PSEN1: variants seen among roughly 807,000 people sequenced by gnomAD.
PSEN1 encodes presenilin 1, also known as presenilin-1.
In PSEN1, 15 loss-of-function variants were observed where a neutral mutation model predicts 53.5. The observed-to-expected ratio is 0.28, with a 90% CI of 0.19 to 0.43. The LOEUF (loss-of-function observed/expected upper bound fraction) is 0.43. Among genes scored for constraint, PSEN1 ranks in the 20% least tolerant of loss-of-function variants. The probability of loss-of-function intolerance (pLI) is 1.00; values close to 1 mark genes in which losing one functional copy is unlikely to be tolerated. For synonymous variants in PSEN1, 208 were observed against 209.8 expected (o/e 0.99, Z 0.08); for missense variants, 387 against 571.2 (o/e 0.68, Z 3.29).
rs985004021 is a variant in PSEN1, at chr14:73,136,552, CGCGGCGGCAGCGGG to C, written c.-159_-146del. The C allele has an allele frequency of 2.6e-5, 4 of 153,020 alleles. No homozygotes were observed. The highest frequency in any genetic ancestry group is 9.6e-5 in the African/African-American group (4 of 41,470). 9.5% of individuals were successfully genotyped at this position (153,020 alleles called of 1,614,324 possible). The stretch of plus-strand genomic sequence containing the variant: ...TCTGGAAGGAACCTGAGCTACGAGC[CGCGGCGGCAGCGGG>C]GCGGCGGGGAAGCGTATGTGCGTGA... On this transcript the variant is annotated 5_prime_UTR_variant, in exon 1 of 12. Transcript: ENST00000324501.
chr14:73,169,925 C>T (rs576192890), intron 3 of PSEN1, among the ~76,000 whole-genome samples: 5 of 152,288 alleles, frequency 3.3e-5, no homozygotes, highest in South Asian at 2.1e-4. Flanking sequence ...GGATTTCAGG[C>T]GCCTGGCCTG....
At chr14:73,210,506 G>T (rs980739381) in intron 9 of PSEN1, among the ~76,000 whole-genome samples, 1 of 152,188 alleles carries the variant, frequency 6.6e-6, no homozygotes, top group Non-Finnish European at 1.5e-5. Context: ...CAATGAGCAT[G>T]CTACTTATAA....
At chr14:73,138,641 T>C (rs1246471512) in intron 1 of PSEN1, among the ~76,000 whole-genome samples, 1 of 151,928 alleles carries the variant, frequency 6.6e-6, no homozygotes. Flanking sequence ...CACAAGCCAC[T>C]GTGCCTAGCC....
chr14:73,181,833 G>T (rs1040076123), intron 5 of PSEN1, among the ~76,000 whole-genome samples: 3 of 152,088 alleles, frequency 2.0e-5, no homozygotes, highest in Admixed American at 6.6e-5. Context: ...GAATGTAGTG[G>T]CACTGTCTCG....
At chr14:73,195,716 C>G (rs376549150) in intron 7 of PSEN1, among the ~76,000 whole-genome samples, 3 of 152,020 alleles carry the variant, frequency 2.0e-5, no homozygotes, top group Admixed American at 2.0e-4. Flanking sequence ...CTCAGCCTCC[C>G]GAGTAGATAA....
At chr14:73,192,964 G>A in intron 7 of PSEN1, 100 bp downstream of exon 7, 1 of 919,916 alleles carries the variant, frequency 1.1e-6, no homozygotes, top group East Asian at 2.4e-5. Context: ...ATGGTAACGT[G>A]TACATCCCAT....
At chr14:73,161,677 C>T (rs969723970) in intron 3 of PSEN1, among the ~76,000 whole-genome samples, 1 of 152,134 alleles carries the variant, frequency 6.6e-6, no homozygotes, top group Non-Finnish European at 1.5e-5. Flanking sequence ...TGACAACACA[C>T]GTGGAATATT....
intron 11 of PSEN1, 47 bp downstream of exon 11, chr14:73,217,291 C>T (rs780429161): frequency 1.2e-6 from 2 of 1,607,166 alleles, no homozygotes; most frequent in South Asian, 1.1e-5. Context: ...AATGTCAAAA[C>T]TTTGATTACA....
rs1349384319 is a variant in PSEN1 at position 73,173,710 on chromosome 14, G to A, written c.480+3G>A. ...TGTATAAATACAGGTGCTATAAGGTGAGCATGAGACACAGATCTTTGCTTT... is the reference window on the plus strand; with the variant it reads ...TGTATAAATACAGGTGCTATAAGGTAAGCATGAGACACAGATCTTTGCTTT... On this transcript the variant is annotated splice_donor_region_variant and intron_variant, in intron 5 of 11. Transcript: ENST00000324501. The A allele has an allele frequency of 5.6e-6, 9 of 1,613,998 alleles. No homozygotes were observed. The Admixed American group carries it at 1.2e-4, about 21-fold the overall frequency.
At chr14:73,197,951 C>A in intron 7 of PSEN1, 80 bp from the exon 8 acceptor site, 4 of 757,540 alleles carry the variant, frequency 5.3e-6, no homozygotes, top group African/African-American at 1.7e-5. Flanking sequence ...TTTTTTCCTT[C>A]GTTAATTCCT....
intron 5 of PSEN1, among the ~76,000 whole-genome samples, chr14:73,185,560 G>C (rs1381387252): frequency 6.6e-6 from 1 of 152,316 alleles, no homozygotes; most frequent in South Asian, 2.1e-4. Context: ...GTCCAGCTTC[G>C]GCTCAGCATG....
intron 3 of PSEN1, among the ~76,000 whole-genome samples, chr14:73,160,361 A>C (rs1464046686): frequency 6.6e-6 from 1 of 152,218 alleles, no homozygotes; most frequent in African/African-American, 2.4e-5. Context: ...GGCTATGCAC[A>C]TATCTGTTTG....
intron 8 of PSEN1, among the ~76,000 whole-genome samples, chr14:73,202,419 TA>T (rs1899231967): frequency 2.4e-3 from 50 of 20,630 alleles, no homozygotes; most frequent in African/African-American, 4.4e-3. Context: ...TATCACATAC[TA>T]TATATATATA....
At chr14:73,186,705 A>G (rs1490936182) in intron 5 of PSEN1, 148 bp from the exon 6 acceptor site, 3 of 728,964 alleles carry the variant, frequency 4.1e-6, no homozygotes, top group African/African-American at 1.7e-5. Context: ...TGAACCCAGG[A>G]GGCAGAGGTT....
chr14:73,154,738 TAACTC>T (rs1289755196), intron 3 of PSEN1, among the ~76,000 whole-genome samples: 3 of 152,196 alleles, frequency 2.0e-5, no homozygotes, highest in African/African-American at 7.2e-5. Context: ...ATGAACAACT[TAACTC>T]AGTAGCAAAG....
intron 7 of PSEN1, 43 bp downstream of exon 7, chr14:73,192,907 C>A: frequency 6.9e-7 from 1 of 1,446,182 alleles, no homozygotes. Flanking sequence ...AGGAATGCCC[C>A]ACTGGAGTGT....
At chr14:73,139,733 T>G (rs1165145907) in intron 1 of PSEN1, among the ~76,000 whole-genome samples, 1 of 152,234 alleles carries the variant, frequency 6.6e-6, no homozygotes, top group African/African-American at 2.4e-5. Context: ...GCTCCTTAAG[T>G]AAACAGAAGT....
chr14:73,223,620 G>A lies in PSEN1; in HGVS notation c.*4331G>A, dbSNP rs2140156960. The A allele has an allele frequency of 6.6e-6, 1 of 152,166 alleles. No individual in the cohort carries two copies. Among genetic ancestry groups the A allele is most frequent in the African/African-American group, 2.4e-5 (1 of 41,496 alleles). 9.4% of individuals were successfully genotyped at this position (152,166 alleles called of 1,614,324 possible). On this transcript the variant is annotated 3_prime_UTR_variant, in exon 12 of 12. Coordinates refer to ENST00000324501, the MANE Select transcript of PSEN1 (RefSeq NM_000021.4). ...TTTATAAATACCTTTCAAATTCTTG[G>A]TAAGATATAATTTTGATAGCTGATT...
At chr14:73,166,706 A>G (rs1242747685) in intron 3 of PSEN1, among the ~76,000 whole-genome samples, 1 of 152,172 alleles carries the variant, frequency 6.6e-6, no homozygotes, top group Admixed American at 6.5e-5. Flanking sequence ...CACCTTCCAT[A>G]TAATCATTTC....
Sources: allele counts gnomAD v4.1 joint callset (sites outside exome capture counted in the v4.1 genomes callset), GRCh38; gene constraint gnomAD v4.1.1; transcripts MANE v1.5; gene names NCBI Gene and HGNC (gene_info 2026-07-23, HGNC 2026-07-21).